ACACA: variants seen among roughly 807,000 people sequenced by gnomAD.
The protein encoded by ACACA is acetyl-CoA carboxylase 1.
ACACA carries 103 observed loss-of-function variants against 296.1 expected under a neutral mutation model. That is an observed-to-expected ratio of 0.35 (90% CI 0.30 to 0.41). The LOEUF is 0.41. Ranked by LOEUF, ACACA falls within the 10% of genes least tolerant of loss-of-function variation. The pLI is 1.00. For missense variants in ACACA, 1,554 were observed against 2,989.7 expected (o/e 0.52, Z 11.20); for synonymous variants, 953 against 1,038.6 (o/e 0.92, Z 1.58).
intron 9 of ACACA, among the ~76,000 whole-genome samples, chr17:37,272,028 T>C (rs1002017564): frequency 2.0e-5 from 3 of 152,120 alleles, no homozygotes; most frequent in Non-Finnish European, 4.4e-5. Flanking sequence ...AAGGTTTTGC[T>C]ACATTATAAG....
At chr17:37,325,271 G>A (rs1421552556) in intron 3 of ACACA, among the ~76,000 whole-genome samples, 2 of 150,602 alleles carry the variant, frequency 1.3e-5, no homozygotes, top group Non-Finnish European at 3.0e-5. Context: ...GAGGCTAAGG[G>A]AGGAGAATTG....
intron 41 of ACACA, among the ~76,000 whole-genome samples, chr17:37,178,878 G>A (rs1046471491): frequency 5.9e-5 from 9 of 152,038 alleles, no homozygotes; most frequent in African/African-American, 2.2e-4. Context: ...CTATTTTCAT[G>A]TACCTATCAC....
chr17:37,143,306 C>T (rs1451015496), intron 45 of ACACA, among the ~76,000 whole-genome samples: 4 of 142,756 alleles, frequency 2.8e-5, no homozygotes, highest in Admixed American at 7.2e-5. Context: ...TTTGCAATTA[C>T]AGAGTGGTAT....
chr17:37,180,767 T>C (rs2077289068), intron 40 of ACACA, among the ~76,000 whole-genome samples: 1 of 152,230 alleles, frequency 6.6e-6, no homozygotes, highest in African/African-American at 2.4e-5. Flanking sequence ...TTGTCTATGC[T>C]ATCTATATTG....
chr17:37,282,759 A>G (rs1367660883), intron 5 of ACACA, among the ~76,000 whole-genome samples: 1 of 152,228 alleles, frequency 6.6e-6, no homozygotes, highest in Non-Finnish European at 1.5e-5. Context: ...AACAGTCTTT[A>G]TCTACAACTA....
At chr17:37,375,945 G>T (rs1344931798) in intron 1 of ACACA, 19 of 598,224 alleles carry the variant, frequency 3.2e-5, no homozygotes, top group Non-Finnish European at 5.4e-5. Flanking sequence ...TTCAGGAAAT[G>T]GGGCAAAATA....
intron 6 of ACACA, 41 bp from the exon 7 acceptor site, chr17:37,277,155 C>T (rs1307269481): frequency 6.4e-7 from 1 of 1,560,600 alleles, no homozygotes; most frequent in African/African-American, 1.4e-5. Context: ...AAAATTCATA[C>T]AAAACCCCCA....
intron 1 of ACACA, among the ~76,000 whole-genome samples, chr17:37,363,504 C>T (rs1479712000): frequency 1.3e-5 from 2 of 151,704 alleles, no homozygotes; most frequent in Non-Finnish European, 2.9e-5. Flanking sequence ...TTTAAAGCAT[C>T]CCTAATAATT....
rs534512935 is a variant in ACACA, at chr17:37,390,384, G to A, written c.38+15878C>T. Among the ~76,000 whole-genome samples, 310 of 122,426 alleles carry A rather than the reference G, an allele frequency of 2.5e-3. 4 individuals are homozygous for A. The highest frequency in any genetic ancestry group is 8.1e-3 in the African/African-American group (249 of 30,826). The allele number at this position is 122,426 out of a possible 152,430, so 80.3% of individuals were successfully genotyped here. ...TGGCTCACGCCTGTAATCCTAGCAC[G>A]TTGGGAGGCCAAGGCAGGTGGATCA... On this transcript the variant is annotated intron_variant, in intron 1 of 55. Transcript: ENST00000616317.
At chr17:37,389,095 T>G in intron 1 of ACACA, 3 of 1,127,244 alleles carry the variant, frequency 2.7e-6, no homozygotes, top group Non-Finnish European at 3.7e-6. Flanking sequence ...TCTGCTGTAC[T>G]TAGACATTTT....
At chr17:37,307,089 A>C (rs556038420) in intron 3 of ACACA, among the ~76,000 whole-genome samples, 1 of 152,218 alleles carries the variant, frequency 6.6e-6, no homozygotes, top group Non-Finnish European at 1.5e-5. Context: ...TAGTTTGTTC[A>C]TTTTCATTTC....
intron 3 of ACACA, among the ~76,000 whole-genome samples, chr17:37,309,227 T>C (rs2084020795): frequency 6.6e-6 from 1 of 152,096 alleles, no homozygotes. Context: ...GGTCTCTCTA[T>C]GTTGCCTAGG....
intron 3 of ACACA, among the ~76,000 whole-genome samples, chr17:37,311,773 G>A (rs992688547): frequency 1.3e-5 from 2 of 151,716 alleles, no homozygotes; most frequent in African/African-American, 2.4e-5. Context: ...TCGGGAGGCT[G>A]AGGCAGGAGA....
intron 12 of ACACA, among the ~76,000 whole-genome samples, chr17:37,258,846 C>T (rs895362347): frequency 2.6e-5 from 4 of 152,162 alleles, no homozygotes; most frequent in African/African-American, 9.7e-5. Context: ...TAATATCAAG[C>T]CTTATCATTA....
chr17:37,193,592 C>T, intron 35 of ACACA, 177 bp from the exon 36 acceptor site: 1 of 484,066 alleles, frequency 2.1e-6, no homozygotes. Context: ...ATCACTTTGA[C>T]CCCATTTCCA....
In ACACA at chr17:37,216,660, T is replaced by G. The variant is rs565566364; in HGVS notation, c.3683+5064A>C. Among the ~76,000 whole-genome samples, 8 of 152,050 alleles carry G rather than the reference T, an allele frequency of 5.3e-5. No homozygotes were observed. In the East Asian group the frequency reaches 1.4e-3, roughly 26 times the overall value. ...AAGAAAAACAAAAATGTACCAAATATGTTACTACAAAGCAACTGTTCAAGT... is the reference window on the plus strand; with the variant it reads ...AAGAAAAACAAAAATGTACCAAATAGGTTACTACAAAGCAACTGTTCAAGT... On this transcript the variant is annotated intron_variant, in intron 29 of 55. Coordinates refer to ENST00000616317, the MANE Select transcript of ACACA (RefSeq NM_198834.3).
Position 37,120,861 on chromosome 17 carries a change from G to A in ACACA, c.6274+494C>T, listed in dbSNP as rs116894330. On this transcript the variant is annotated intron_variant, in intron 50 of 55. Transcript: ENST00000616317. ...TTTGTAATAATGGTCTAATATGCTGGAGCCACAGGCCCAGGGCTGTTGTTA... is the reference window on the plus strand; with the variant it reads ...TTTGTAATAATGGTCTAATATGCTGAAGCCACAGGCCCAGGGCTGTTGTTA... Among the ~76,000 whole-genome samples the A allele has an allele frequency of 7.8e-3, 1,181 of 152,258 alleles. 11 individuals are homozygous for A. The highest frequency in any genetic ancestry group is 0.017 in the Middle Eastern group (5 of 292).
intron 45 of ACACA, among the ~76,000 whole-genome samples, chr17:37,146,323 A>G (rs117360939): frequency 0.025 from 3,841 of 151,998 alleles, 78 homozygotes; most frequent in African/African-American, 0.053. Context: ...TCAGCTTCAT[A>G]TCTATTAAAG....
At chr17:37,177,949 TG>T (rs1272735051) in intron 41 of ACACA, among the ~76,000 whole-genome samples, 2 of 152,158 alleles carry the variant, frequency 1.3e-5, no homozygotes, top group Non-Finnish European at 2.9e-5. Context: ...CCACACACCT[TG>T]TATATATAGT....
Sources: allele counts gnomAD v4.1 joint callset (sites outside exome capture counted in the v4.1 genomes callset), GRCh38; gene constraint gnomAD v4.1.1; transcripts MANE v1.5; gene names NCBI Gene and HGNC (gene_info 2026-07-23, HGNC 2026-07-21).